The following TOM1L1 variants were observed in gnomAD, a reference collection of about 807,000 sequenced individuals.
The protein encoded by TOM1L1 is target of myb1 like 1 membrane trafficking protein, also known as TOM1-like protein 1.
A neutral mutation model predicts 63.4 loss-of-function variants in TOM1L1; 64 were observed. That is an observed-to-expected ratio of 1.01 (90% CI 0.83 to 1.24). TOM1L1 has a LOEUF of 1.24. Among genes scored for constraint, TOM1L1 ranks in the 50% most tolerant of loss-of-function variants. TOM1L1 has a pLI of 0.00. For missense variants in TOM1L1, 536 were observed against 567.0 expected, an observed-to-expected ratio of 0.95 and a Z score of 0.55; for synonymous variants, 166 against 194.4, an observed-to-expected ratio of 0.85 and a Z score of 1.22.
intron 7 of TOM1L1, chr17:54,917,012 T>G (rs1363841439): frequency 6.6e-6 from 1 of 152,068 alleles, no homozygotes; most frequent in Non-Finnish European, 1.5e-5. Context: ...TTATTCTGCT[T>G]CTTAATCCTT....
intron 3 of TOM1L1, among the ~76,000 whole-genome samples, chr17:54,907,608 C>G (rs2143743194): frequency 6.6e-6 from 1 of 152,250 alleles, no homozygotes; most frequent in Non-Finnish European, 1.5e-5. Context: ...CACCCTCATA[C>G]ACACACCTAA....
At chr17:54,933,650 G>A (rs2048900362) in intron 8 of TOM1L1, among the ~76,000 whole-genome samples, 1 of 152,190 alleles carries the variant, frequency 6.6e-6, no homozygotes, top group South Asian at 2.1e-4. Flanking sequence ...AGCCTCCTGA[G>A]TAGCTGGGAC....
At chr17:54,937,081 CTT>C (rs5821078) in intron 9 of TOM1L1, 26 bp from the exon 10 acceptor site, 6,372 of 1,327,026 alleles carry the variant, frequency 4.8e-3, no homozygotes, top group South Asian at 6.0e-3. Flanking sequence ...CTACATGACA[CTT>C]TTTTTTTTTT....
Position 54,950,085 on chromosome 17 carries a change from G to A in TOM1L1, c.1329G>A (p.Glu443=). 1.9e-6 allele frequency: 3 copies of A among 1,613,962 alleles called. No homozygotes were observed. Among genetic ancestry groups the A allele is most frequent in the Non-Finnish European group, 2.5e-6 (3 of 1,179,928 alleles). ...KSDLQPPNYY[E]VMEFDPLAPA... ...ATCTCCAGCCACCTAATTACTACGA[G>A]GTAATGGAGTTTGATCCCTTAGCTC... The change falls in exon 14 of 16, where the codon GAG becomes GAA. Residue 443 remains glutamate (E), a synonymous_variant. Transcript: ENST00000575882.
Position 54,960,549 on chromosome 17 carries a change from T to A in TOM1L1, c.1371-17T>A. 1 of 1,609,722 alleles carries A rather than the reference T, an allele frequency of 6.2e-7. No individual in the cohort carries two copies. Among genetic ancestry groups the A allele is most frequent in the Non-Finnish European group, 8.5e-7 (1 of 1,176,774 alleles). On this transcript the variant is annotated splice_polypyrimidine_tract_variant and intron_variant, in intron 14 of 15. Coordinates refer to ENST00000575882, the MANE Select transcript of TOM1L1 (RefSeq NM_005486.3). ...AAATTGATACATAACCCTTTTGCTGTGATGGCTTTGTTTCAGAGCTATTTA... is the reference window on the plus strand; with the variant it reads ...AAATTGATACATAACCCTTTTGCTGAGATGGCTTTGTTTCAGAGCTATTTA...
chr17:54,919,800 T>A (rs2048651158), intron 7 of TOM1L1, among the ~76,000 whole-genome samples: 1 of 136,168 alleles, frequency 7.3e-6, no homozygotes, highest in Admixed American at 7.2e-5. Flanking sequence ...TTTTGACAAA[T>A]AATTTTTTTT....
At position 54,946,245 on chromosome 17, in the gene TOM1L1, G is replaced by A. The variant is rs146311146; in HGVS notation, c.1131-1016G>A. ...GATCCATGCATGCCCAGGTCAGGGGGTGAGCTCAGTATTTCATAAACAACT... is the reference window on the plus strand; with the variant it reads ...GATCCATGCATGCCCAGGTCAGGGGATGAGCTCAGTATTTCATAAACAACT... On this transcript the variant is annotated intron_variant, in intron 11 of 15. Transcript: ENST00000575882. 2.9e-3 allele frequency among the ~76,000 whole-genome samples: 442 copies of A among 152,266 alleles called. 1 individual carries two copies. Among genetic ancestry groups the A allele is most frequent in the Non-Finnish European group, 5.0e-3 (343 of 68,016 alleles).
chr17:54,961,576 T>A lies in TOM1L1; in HGVS notation c.*343T>A. The stretch of plus-strand genomic sequence containing the variant: ...AATCGTCACACAGCTGTGATAAGAG[T>A]AGATTATTTTACTATGAAATAATTC... On this transcript the variant is annotated 3_prime_UTR_variant, in exon 16 of 16. Transcript: ENST00000575882. 1 of 1,275,122 alleles carries A rather than the reference T, an allele frequency of 7.8e-7. No homozygotes were observed. The highest frequency in any genetic ancestry group is 9.9e-7 in the Non-Finnish European group (1 of 1,009,638). 79.0% of individuals were successfully genotyped at this position (1,275,122 alleles called of 1,614,324 possible).
intron 7 of TOM1L1, among the ~76,000 whole-genome samples, chr17:54,926,757 T>C (rs1202526684): frequency 6.6e-6 from 1 of 152,242 alleles, no homozygotes; most frequent in African/African-American, 2.4e-5. Flanking sequence ...GTCAGCATCT[T>C]TGAGTCCATC....
At chr17:54,961,131 A>G (rs2077112188) in intron 15 of TOM1L1, 104 bp from the exon 16 acceptor site, 2 of 811,712 alleles carry the variant, frequency 2.5e-6, no homozygotes, top group South Asian at 1.5e-5. Context: ...TTCTTCTACT[A>G]GACTGTGACT....
intron 14 of TOM1L1, chr17:54,959,153 A>AT (rs1401421565): frequency 6.6e-6 from 1 of 152,206 alleles, no homozygotes; most frequent in Non-Finnish European, 1.5e-5. Flanking sequence ...TTAGGGAAAC[A>AT]TTAAAATTGT....
rs115887489 is a variant in TOM1L1 at position 54,907,073 on chromosome 17, C to T, written c.222+1506C>T. Among the ~76,000 whole-genome samples the T allele has an allele frequency of 4.4e-3, 675 of 151,898 alleles. 4 individuals are homozygous for T. Among genetic ancestry groups the T allele is most frequent in the African/African-American group, 0.015 (627 of 41,388 alleles). On this transcript the variant is annotated intron_variant, in intron 3 of 15. Transcript: ENST00000575882. ...GCTGAATAAGCAGAAATGCTGTGAA[C>T]GGTCTTCATGATTTGATCATTAAAG...
rs1567817797 is a variant in TOM1L1, at chr17:54,903,755, A to T, written c.106A>T (p.Met36Leu). ...TCAGACTGAAGATTGGGGCCAGTTC[A>T]TGCACATCTGTGACATAATTAACAC... ...GVQTEDWGQF[M>L]HICDIINTTQ... The change falls in exon 2 of 16, where the codon ATG becomes TTG. Residue 36 changes from methionine to leucine, a missense_variant. By Grantham distance (15) the Met-to-Leu change is conservative (BLOSUM62 2). Coordinates refer to ENST00000575882, the MANE Select transcript of TOM1L1 (RefSeq NM_005486.3). 1 of 1,614,250 alleles carries T rather than the reference A, an allele frequency of 6.2e-7. No homozygotes were observed. The highest frequency in any genetic ancestry group is 1.3e-5 in the African/African-American group (1 of 75,072).
At chr17:54,908,617 G>C (rs1290833045) in intron 3 of TOM1L1, among the ~76,000 whole-genome samples, 1 of 152,158 alleles carries the variant, frequency 6.6e-6, no homozygotes, top group Non-Finnish European at 1.5e-5. Context: ...TGTTAGCCTT[G>C]ATTGGGCTTT....
intron 6 of TOM1L1, 104 bp downstream of exon 6, chr17:54,914,847 A>C: frequency 2.3e-6 from 2 of 882,570 alleles, no homozygotes; most frequent in Non-Finnish European, 3.7e-6. Flanking sequence ...ATGTAGGTAC[A>C]CTCATTTCAC....
intron 12 of TOM1L1, among the ~76,000 whole-genome samples, chr17:54,947,712 A>G (rs1380317842): frequency 1.3e-5 from 2 of 151,888 alleles, no homozygotes; most frequent in African/African-American, 4.8e-5. Context: ...CCTCACGTTC[A>G]TTTCTTCTCC....
intron 11 of TOM1L1, among the ~76,000 whole-genome samples, chr17:54,939,396 C>T (rs569573516): frequency 4.0e-5 from 6 of 151,554 alleles, no homozygotes; most frequent in African/African-American, 1.5e-4. Flanking sequence ...TTAGTAGTAA[C>T]AGGAGATGGG....
Position 54,936,570 on chromosome 17 carries a change from G to A in TOM1L1, c.855-79G>A. The A allele has an allele frequency of 7.6e-6, 9 of 1,188,214 alleles. 1 individual carries two copies. The South Asian group carries it at 1.3e-4, about 17-fold the overall frequency. The allele number at this position is 1,188,214 out of a possible 1,614,324, so 73.6% of individuals were successfully genotyped here. A position where few individuals can be genotyped will look rare whatever the true frequency, so the allele number is the denominator to read the frequency against. ...TGATTGTCTTCATTCCTAAATATTTGTGTATTAATAATTGTTAGATTTTTA... is the reference window on the plus strand; with the variant it reads ...TGATTGTCTTCATTCCTAAATATTTATGTATTAATAATTGTTAGATTTTTA... On this transcript the variant is annotated intron_variant, in intron 8 of 15. Coordinates refer to ENST00000575882, the MANE Select transcript of TOM1L1 (RefSeq NM_005486.3).
intron 14 of TOM1L1, chr17:54,952,522 C>T (rs920483956): frequency 7.6e-6 from 1 of 130,964 alleles, no homozygotes; most frequent in Admixed American, 9.6e-5. Context: ...GCATTCCAAC[C>T]TGGGCAACAG....
Sources: allele counts gnomAD v4.1 joint callset (sites outside exome capture counted in the v4.1 genomes callset), GRCh38; gene constraint gnomAD v4.1.1; transcripts MANE v1.5; gene names NCBI Gene and HGNC (gene_info 2026-07-23, HGNC 2026-07-21).